CHFR: variants seen among roughly 807,000 people sequenced by gnomAD.
The protein encoded by CHFR is E3 ubiquitin-protein ligase CHFR.
In CHFR, 57 loss-of-function variants were observed where a neutral mutation model predicts 87.6. The observed-to-expected ratio is 0.65, with a 90% confidence interval of 0.53 to 0.81. CHFR has a LOEUF of 0.81. CHFR is among the 30% of genes least tolerant of loss of function. The probability of loss-of-function intolerance (pLI) is 0.00; values close to 1 mark genes in which losing one functional copy is unlikely to be tolerated. For missense variants in CHFR, 797 were observed against 865.8 expected, an observed-to-expected ratio of 0.92 and a Z score of 1.00; for synonymous variants, 381 against 359.2, an observed-to-expected ratio of 1.06 and a Z score of -0.69.
At chr12:132,859,260 CA>C in intron 7 of CHFR, 33 bp from the exon 8 acceptor site, 1 of 1,587,962 alleles carries the variant, frequency 6.3e-7, no homozygotes. Flanking sequence ...CTGTCGTAAC[CA>C]AGAAGGAAAT....
chr12:132,878,583 A>G (rs4758914), intron 2 of CHFR, among the ~76,000 whole-genome samples: 147,263 of 152,030 alleles, frequency 0.97, 71,486 homozygotes, highest in East Asian at 1. Flanking sequence ...GGTGGCTCAC[A>G]CCGAGGCGGG....
chr12:132,864,938 G>A (rs188955426), intron 6 of CHFR, among the ~76,000 whole-genome samples: 1 of 152,340 alleles, frequency 6.6e-6, no homozygotes, highest in East Asian at 1.9e-4. Flanking sequence ...CAATTTTACT[G>A]GTGAAGTTTG....
chr12:132,851,207 T>A (rs1018441552), intron 12 of CHFR, among the ~76,000 whole-genome samples: 1 of 152,032 alleles, frequency 6.6e-6, no homozygotes, highest in Non-Finnish European at 1.5e-5. Flanking sequence ...CCCAGGCTGG[T>A]CTGAAACTCC....
intron 6 of CHFR, chr12:132,866,493 T>C (rs559344166): frequency 4.0e-5 from 6 of 151,124 alleles, no homozygotes; most frequent in African/African-American, 1.2e-4. Flanking sequence ...CAACACAGCA[T>C]GTAACACCAA....
At chr12:132,877,893 C>T (rs1001571527) in intron 2 of CHFR, among the ~76,000 whole-genome samples, 3 of 152,116 alleles carry the variant, frequency 2.0e-5, no homozygotes, top group Non-Finnish European at 2.9e-5. Flanking sequence ...AGCTCCGCCT[C>T]CCAGGTTCAC....
At chr12:132,860,458 T>C (rs1951187261) in intron 7 of CHFR, among the ~76,000 whole-genome samples, 1 of 152,204 alleles carries the variant, frequency 6.6e-6, no homozygotes, top group Admixed American at 6.5e-5. Context: ...TTTTCCTGTG[T>C]AACTGTTGCT....
At chr12:132,852,815 G>A (rs73489162) in intron 11 of CHFR, among the ~76,000 whole-genome samples, 298 of 152,312 alleles carry the variant, frequency 2.0e-3, no homozygotes, top group African/African-American at 6.0e-3. Flanking sequence ...CAGTGGCCTC[G>A]TGATGTGCTC....
chr12:132,848,638 T>C lies in CHFR; in HGVS notation c.1576+3A>G. 1.3e-6 allele frequency: 2 copies of C among 1,588,248 alleles called. No homozygotes were observed. The highest frequency in any genetic ancestry group is 1.7e-6 in the Non-Finnish European group (2 of 1,167,458). ...CAACTGGGGCCTGAAGAGCCAGTAT[T>C]ACCACAAAACGGGGCCAGGCAGCCG... On this transcript the variant is annotated splice_donor_region_variant and intron_variant, in intron 13 of 17. Coordinates refer to ENST00000450056, the MANE Select transcript of CHFR (RefSeq NM_001161346.2).
chr12:132,842,710 G>A (rs2306545), intron 17 of CHFR, among the ~76,000 whole-genome samples: 15,958 of 152,278 alleles, frequency 0.1, 1,669 homozygotes, highest in East Asian at 0.46. Context: ...GGGGGCCTGA[G>A]GCCCTCAGTG....
At chr12:132,868,845 G>C (rs1312787418) in intron 6 of CHFR, among the ~76,000 whole-genome samples, 2 of 73,498 alleles carry the variant, frequency 2.7e-5, no homozygotes, top group Non-Finnish European at 2.8e-5. Flanking sequence ...GTGACTGCTG[G>C]TGGGGCCGAG....
chr12:132,863,890 C>T (rs1192348354), intron 6 of CHFR, among the ~76,000 whole-genome samples: 1 of 152,142 alleles, frequency 6.6e-6, no homozygotes, highest in Non-Finnish European at 1.5e-5. Context: ...TCCTGAGTAT[C>T]TGGGACTACA....
At position 132,835,733 on chromosome 12, in the gene CHFR, C is replaced by T; in HGVS notation, c.*5821G>A. The T allele has an allele frequency of 3.9e-6, 1 of 256,208 alleles. No individual in the cohort carries two copies. The highest frequency in any genetic ancestry group is 7.8e-6 in the Non-Finnish European group (1 of 129,002). 15.9% of individuals were successfully genotyped at this position (256,208 alleles called of 1,614,324 possible). On this transcript the variant is annotated 3_prime_UTR_variant, in exon 18 of 18. Coordinates refer to ENST00000450056, the MANE Select transcript of CHFR (RefSeq NM_001161346.2). Reference sequence around the variant, plus strand: ...CCGCCTGTTCTGCGGCGTTTTGATCCAGCGGCCCAAGTGGACCCACATTCA... The same window carrying T: ...CCGCCTGTTCTGCGGCGTTTTGATCTAGCGGCCCAAGTGGACCCACATTCA...
chr12:132,869,531 G>A (rs1224745763), intron 6 of CHFR, 88 bp downstream of exon 6: 31 of 1,253,498 alleles, frequency 2.5e-5, no homozygotes, highest in Admixed American at 1.2e-4. Context: ...GTCCTCAGTC[G>A]CTTATCTGCC....
At chr12:132,877,453 G>T in intron 3 of CHFR, 102 bp downstream of exon 3, 1 of 654,286 alleles carries the variant, frequency 1.5e-6, no homozygotes, top group Non-Finnish European at 2.6e-6. Flanking sequence ...ACTAAAGACA[G>T]CATTTCTTCT....
rs1951000966 is a variant in CHFR, at chr12:132,853,748, G to A, written c.1230-175C>T. The A allele has an allele frequency of 4.3e-6, 3 of 696,670 alleles. No homozygotes were observed. In the Admixed American group the frequency reaches 1.2e-4, roughly 28 times the overall value. 43.2% of individuals were successfully genotyped at this position (696,670 alleles called of 1,614,324 possible). A position where few individuals can be genotyped will look rare whatever the true frequency, so the allele number is the denominator to read the frequency against. On this transcript the variant is annotated intron_variant, in intron 10 of 17. Coordinates refer to ENST00000450056, the MANE Select transcript of CHFR (RefSeq NM_001161346.2). ...GCACCCCAGTGTTAGAGAGGGACCA[G>A]AACGAGTCGAAGGGCAAGGACACGC...
intron 9 of CHFR, 88 bp from the exon 10 acceptor site, chr12:132,856,718 G>T: frequency 7.0e-7 from 1 of 1,429,050 alleles, no homozygotes. Context: ...CGCGTGCGCA[G>T]TGCTGCGGAA....
At chr12:132,841,857 A>G (rs1950709639) in intron 17 of CHFR, among the ~76,000 whole-genome samples, 1 of 152,180 alleles carries the variant, frequency 6.6e-6, no homozygotes, top group South Asian at 2.1e-4. Flanking sequence ...TCTGTAATCT[A>G]GCACTTTGGG....
rs527807607 is a variant in CHFR, at chr12:132,877,766, T to C, written c.134-112A>G. The C allele has an allele frequency of 5.4e-5, 30 of 556,254 alleles. 1 individual carries two copies. In the South Asian group the frequency reaches 9.4e-4, roughly 17 times the overall value. The allele number at this position is 556,254 out of a possible 1,614,324, so 34.5% of individuals were successfully genotyped here. A position where few individuals can be genotyped will look rare whatever the true frequency, so the allele number is the denominator to read the frequency against. On this transcript the variant is annotated intron_variant, in intron 2 of 17. Coordinates refer to ENST00000450056, the MANE Select transcript of CHFR (RefSeq NM_001161346.2). ...CAACTCAGGATCCCCATTGTACATA[T>C]GTAAAAAAAAACACTTGACCAAGAA...
intron 16 of CHFR, 67 bp downstream of exon 16, chr12:132,843,955 AAAAAG>A: frequency 2.1e-6 from 2 of 963,082 alleles, no homozygotes; most frequent in South Asian, 2.8e-5. Context: ...CTCAAAAAAA[AAAAAG>A]AGAGGCAGAA....
Sources: gnomAD v4.1 joint callset for allele counts (sites outside exome capture counted in the v4.1 genomes callset) on GRCh38, gnomAD v4.1.1 for gene constraint, MANE v1.5 for transcripts, NCBI Gene and HGNC (gene_info 2026-07-23, HGNC 2026-07-21) for gene names.